CMTM4: variants seen among roughly 807,000 people sequenced by gnomAD.
The protein encoded by CMTM4 is CKLF-like MARVEL transmembrane domain-containing protein 4.
Under a neutral mutation model 19.0 loss-of-function variants are expected in CMTM4, and 8 were observed. That is an observed-to-expected ratio of 0.42 (90% confidence interval 0.25 to 0.76). The LOEUF (loss-of-function observed/expected upper bound fraction) is 0.76, where lower values mean the gene tolerates loss of function less well. CMTM4 is among the 30% of genes least tolerant of loss of function. The pLI is 0.27. For synonymous variants in CMTM4, 106 were observed against 121.1 expected, an observed-to-expected ratio of 0.88 and a Z score of 0.82; for missense variants, 228 against 290.2, an observed-to-expected ratio of 0.79 and a Z score of 1.56.
rs2015561591 is a variant in CMTM4, at chr16:66,618,254, C to T, written c.*3804G>A. 1 of 985,460 alleles carries T rather than the reference C, an allele frequency of 1.0e-6. No homozygotes were observed. Among genetic ancestry groups the T allele is most frequent in the Middle Eastern group, 5.2e-4 (1 of 1,914 alleles). 61.0% of individuals were successfully genotyped at this position (985,460 alleles called of 1,614,324 possible). On this transcript the variant is annotated 3_prime_UTR_variant, in exon 4 of 4. Coordinates refer to ENST00000394106, the MANE Select transcript of CMTM4 (RefSeq NM_181521.3). ...GCTCTTGGCCTAGAAACTTTTTCCCCTTTCTGATACCTGTTTAACGTCATT... is the reference window on the plus strand; with the variant it reads ...GCTCTTGGCCTAGAAACTTTTTCCCTTTTCTGATACCTGTTTAACGTCATT...
At chr16:66,639,573 G>A (rs1459940836) in intron 1 of CMTM4, among the ~76,000 whole-genome samples, 2 of 152,058 alleles carry the variant, frequency 1.3e-5, no homozygotes, top group Non-Finnish European at 2.9e-5. Flanking sequence ...AAAGGTGTTC[G>A]AAAGTTTAGA....
rs983054618 is a variant in CMTM4 at position 66,696,481 on chromosome 16, C to G, written c.45G>C (p.Ser15=). ...EELDGFEGEA[S]STSMISGASS... ...TGGCGCCCGAGATCATGGAGGTGCTCGAGGCCTCGCCCTCGAAGCCGTCCA... is the reference window on the plus strand; with the variant it reads ...TGGCGCCCGAGATCATGGAGGTGCTGGAGGCCTCGCCCTCGAAGCCGTCCA... Residue 15 remains serine (S), a synonymous_variant, in exon 1 of 4, where the codon TCG becomes TCC. Transcript: ENST00000394106. The surrounding 1 kb of genome is among the most constrained non-coding windows in gnomAD (Gnocchi z 4.3). The G allele has an allele frequency of 1.6e-5, 20 of 1,272,080 alleles. No homozygotes were observed. The East Asian group carries it at 5.0e-4, about 32-fold the overall frequency. 78.8% of individuals were successfully genotyped at this position (1,272,080 alleles called of 1,614,324 possible). A position where few individuals can be genotyped will look rare whatever the true frequency, so the allele number is the denominator to read the frequency against.
chr16:66,696,147 C>A lies in CMTM4; in HGVS notation c.186+193G>T, dbSNP rs1205857168. Among the ~76,000 whole-genome samples, 1 of 152,190 alleles carries A rather than the reference C, an allele frequency of 6.6e-6. No homozygotes were observed. Among genetic ancestry groups the A allele is most frequent in the African/African-American group, 2.4e-5 (1 of 41,458 alleles). On this transcript the variant is annotated intron_variant, in intron 1 of 3. Coordinates refer to ENST00000394106, the MANE Select transcript of CMTM4 (RefSeq NM_181521.3). The surrounding 1 kb of genome is among the most constrained non-coding windows in gnomAD (Gnocchi z 4.3). ...CCTGAGGCTGCCGGCCTGGGAAGGG[C>A]AGGCTCTGGCCGAAGGCGGGGTCCC...
At chr16:66,688,494 G>A (rs1318205794) in intron 1 of CMTM4, among the ~76,000 whole-genome samples, 5 of 151,266 alleles carry the variant, frequency 3.3e-5, no homozygotes, top group Admixed American at 6.6e-5. Context: ...TAAGAGATAC[G>A]AAGTCCATCA....
chr16:66,613,161 CCTCTTCATT>C (rs1383949914), downstream of CMTM4: 1 of 702,516 alleles, frequency 1.4e-6, no homozygotes, highest in Non-Finnish European at 2.6e-6. Flanking sequence ...GCACCAGTTC[CCTCTTCATT>C]CTTGAAGCAG....
At chr16:66,636,029 T>C (rs1249433115) in intron 2 of CMTM4, among the ~76,000 whole-genome samples, 1 of 152,238 alleles carries the variant, frequency 6.6e-6, no homozygotes, top group Non-Finnish European at 1.5e-5. Context: ...TTTTCAATTC[T>C]TCCAGAATCA....
downstream of CMTM4, among the ~76,000 whole-genome samples, chr16:66,614,446 C>T (rs890510007): frequency 2.6e-5 from 4 of 152,192 alleles, no homozygotes; most frequent in Non-Finnish European, 5.9e-5. This position sits in a 1 kb window ranked among gnomAD's most constrained non-coding sequence, Gnocchi z 4.9. Flanking sequence ...CTGGAGGACC[C>T]GGGTCCGCAT....
At position 66,619,677 on chromosome 16, in the gene CMTM4, T is replaced by C; in HGVS notation, c.*2381A>G. ...AGAACTTTCGTCACCACGTGGTCTA[T>C]ACATGATGACATGTGCAACCACACA... On this transcript the variant is annotated 3_prime_UTR_variant, in exon 4 of 4. Transcript: ENST00000394106. The C allele has an allele frequency of 1.0e-6, 1 of 985,388 alleles. No homozygotes were observed. The highest frequency in any genetic ancestry group is 1.2e-6 in the Non-Finnish European group (1 of 829,930). The allele number at this position is 985,388 out of a possible 1,614,324, so 61.0% of individuals were successfully genotyped here. A position where few individuals can be genotyped will look rare whatever the true frequency, so the allele number is the denominator to read the frequency against.
intron 1 of CMTM4, among the ~76,000 whole-genome samples, chr16:66,667,177 T>G (rs1051222668): frequency 6.6e-6 from 1 of 151,834 alleles, no homozygotes; most frequent in African/African-American, 2.4e-5. Flanking sequence ...ATACAAAAAT[T>G]TGCTGGGTGT....
intron 1 of CMTM4, among the ~76,000 whole-genome samples, chr16:66,690,586 A>G (rs1272932177): frequency 6.6e-6 from 1 of 152,214 alleles, no homozygotes; most frequent in Non-Finnish European, 1.5e-5. Context: ...TTAAAAAACT[A>G]ACAAGGTTTC....
At chr16:66,611,455 A>C (rs115935985), downstream of CMTM4, among the ~76,000 whole-genome samples, 894 of 151,720 alleles carry the variant, frequency 5.9e-3, 12 homozygotes, top group African/African-American at 0.021. Flanking sequence ...TCTCGGGGGG[A>C]AAAAATTGAA....
downstream of CMTM4, chr16:66,610,982 A>C (rs1263741695): frequency 2.5e-6 from 1 of 398,262 alleles, no homozygotes; most frequent in East Asian, 3.6e-5. The surrounding 1 kb of genome is among the most constrained non-coding windows in gnomAD (Gnocchi z 4.6). Flanking sequence ...CAGGCTCTGC[A>C]ACCTGCTCCC....
chr16:66,684,660 C>T (rs2017001485), intron 1 of CMTM4, among the ~76,000 whole-genome samples: 1 of 152,138 alleles, frequency 6.6e-6, no homozygotes, highest in Non-Finnish European at 1.5e-5. Context: ...AAATCCTCCC[C>T]CATCAAGAAG....
downstream of CMTM4, among the ~76,000 whole-genome samples, chr16:66,614,345 G>T (rs1429428865): frequency 2.0e-5 from 3 of 152,210 alleles, no homozygotes; most frequent in Non-Finnish European, 4.4e-5. This position sits in a 1 kb window ranked among gnomAD's most constrained non-coding sequence, Gnocchi z 4.9. Flanking sequence ...TACACATCAG[G>T]ATAGTGTCTC....
rs570157560 is a variant in CMTM4 at position 66,638,348 on chromosome 16, G to C, written c.187-1767C>G. On this transcript the variant is annotated intron_variant, in intron 1 of 3. Coordinates refer to ENST00000394106, the MANE Select transcript of CMTM4 (RefSeq NM_181521.3). ...GGTTGCCTGGTCAGTGTCTTCAGGC[G>C]AATGGAAGAGTGGTTCTGCCTTTCC... Among the ~76,000 whole-genome samples, 18 of 152,286 alleles carry C rather than the reference G, an allele frequency of 1.2e-4. 1 individual carries two copies. The South Asian group carries it at 3.7e-3, about 32-fold the overall frequency.
At position 66,618,476 on chromosome 16, in the gene CMTM4, G is replaced by C. The variant is rs1194426020; in HGVS notation, c.*3582C>G. ...CTAAGACCAACCCACAGAAAATCTG[G>C]CACAGAAAGGGATTAGACCTCAGTC... On this transcript the variant is annotated 3_prime_UTR_variant, in exon 4 of 4. Transcript: ENST00000394106. 1 of 985,284 alleles carries C rather than the reference G, an allele frequency of 1.0e-6. No homozygotes were observed. Among genetic ancestry groups the C allele is most frequent in the African/African-American group, 1.7e-5 (1 of 57,216 alleles). The allele number at this position is 985,284 out of a possible 1,614,324, so 61.0% of individuals were successfully genotyped here.
At chr16:66,669,879 T>C (rs1233824211) in intron 1 of CMTM4, among the ~76,000 whole-genome samples, 1 of 151,612 alleles carries the variant, frequency 6.6e-6, no homozygotes, top group East Asian at 1.9e-4. Flanking sequence ...AGAAAGAAAA[T>C]GGTGCACACT....
At chr16:66,631,638 CCTGTGCTCT>C (rs2015873589) in intron 2 of CMTM4, among the ~76,000 whole-genome samples, 2 of 152,244 alleles carry the variant, frequency 1.3e-5, no homozygotes, top group African/African-American at 4.8e-5. Flanking sequence ...TACCCCCAAC[CCTGTGCTCT>C]CTGAAACATG....
chr16:66,696,411 C>G lies in CMTM4; in HGVS notation c.115G>C (p.Gly39Arg). The G allele has an allele frequency of 7.1e-7, 1 of 1,407,060 alleles. No homozygotes were observed. The highest frequency in any genetic ancestry group is 9.2e-7 in the Non-Finnish European group (1 of 1,082,262). The allele number at this position is 1,407,060 out of a possible 1,614,324, so 87.2% of individuals were successfully genotyped here. Residue 39 changes from glycine to arginine, a missense_variant, in exon 1 of 4, where the codon GGG (glycine) becomes CGG (arginine). Transcript: ENST00000394106. The surrounding 1 kb of genome is among the most constrained non-coding windows in gnomAD (Gnocchi z 4.3). ...GGGTCGCAGCGCAGGCCGGCCAGCC[C>G]GCGGCGCTGGCTCACCGGCTCGGTG... ...PTTEPVSQRR[G>R]LAGLRCDPDY...
Sources: gnomAD v4.1 joint callset for allele counts (sites outside exome capture counted in the v4.1 genomes callset) on GRCh38, gnomAD v4.1.1 for gene constraint, Gnocchi (gnomAD v3.1) non-coding constraint, MANE v1.5 for transcripts, NCBI Gene and HGNC (gene_info 2026-07-23, HGNC 2026-07-21) for gene names.